Variants in KIRREL2 observed in about 807,000 individuals in gnomAD.
KIRREL2 encodes kin of IRRE-like protein 2.
In KIRREL2, 56 loss-of-function variants were observed where a neutral mutation model predicts 73.4. The ratio of observed to expected loss-of-function variants is 0.76; its 90% CI spans 0.62 to 0.95. The LOEUF is 0.95. KIRREL2 is among the 40% of genes least tolerant of loss of function. KIRREL2 has a pLI of 0.00. For missense variants in KIRREL2, 896 were observed against 935.0 expected (o/e 0.96, Z 0.54); for synonymous variants, 407 against 404.0 (o/e 1.01, Z -0.09).
intron 9 of KIRREL2, 113 bp from the exon 10 acceptor site, chr19:35,861,428 C>T: frequency 6.9e-7 from 1 of 1,444,450 alleles, no homozygotes; most frequent in Non-Finnish European, 9.5e-7. Flanking sequence ...TTGGAGGCGG[C>T]GTGGCCTGAT....
In KIRREL2 at chr19:35,858,767, C is replaced by G; in HGVS notation, c.425C>G (p.Ala142Gly). 1 of 1,614,192 alleles carries G rather than the reference C, an allele frequency of 6.2e-7. No homozygotes were observed. The highest frequency in any genetic ancestry group is 8.5e-7 in the Non-Finnish European group (1 of 1,180,028). ...GTGTCTCTGGTTGCTGGAGTTCCTG[C>G]GAACCTGACATGTCGGAGCCGTGGG... ...PSVSLVAGVPANLTCRSRGDA... is the reference protein window; with the variant it reads ...PSVSLVAGVPGNLTCRSRGDA... Residue 142 changes from alanine to glycine, a missense_variant, in exon 4 of 15, where the codon GCG (alanine) becomes GGG (glycine). Coordinates refer to ENST00000360202, the MANE Select transcript of KIRREL2 (RefSeq NM_199180.4).
Position 35,864,630 on chromosome 19 carries a change from C to G in KIRREL2, c.1726-18C>G, listed in dbSNP as rs1204107417. 1 of 1,607,456 alleles carries G rather than the reference C, an allele frequency of 6.2e-7. No homozygotes were observed. The highest frequency in any genetic ancestry group is 8.5e-7 in the Non-Finnish European group (1 of 1,174,184). On this transcript the variant is annotated intron_variant, in intron 13 of 14. Transcript: ENST00000360202. ...GGGATCCTCTGACTATTCCCTCTCA[C>G]TAAGTTCCCTACCCCAGGGCCCCAT...
chr19:35,857,435 G>A lies in KIRREL2; in HGVS notation c.152G>A (p.Trp51Ter). ...ARLPCALGAY[W>*]GLVQWTKSGL... is the part of the protein sequence containing the mutation. The stretch of plus-strand genomic sequence containing the variant: ...CTGCCGTGTGCTCTGGGCGCCTACT[G>A]GGGGCTAGTTCAGTGGACTAAGAGT... Residue 51 changes from tryptophan to a stop codon, truncating the protein, a stop_gained, in exon 2 of 15, where the codon TGG becomes TAG. Transcript: ENST00000360202. LOFTEE classifies it high-confidence loss of function. 1.2e-6 allele frequency: 2 copies of A among 1,612,826 alleles called. No homozygotes were observed. The highest frequency in any genetic ancestry group is 1.7e-6 in the Non-Finnish European group (2 of 1,179,766).
At chr19:35,856,850 G>A, upstream of KIRREL2, 1 of 544,914 alleles carries the variant, frequency 1.8e-6, no homozygotes, top group Non-Finnish European at 3.3e-6. The surrounding 1 kb of genome is among the most constrained non-coding windows in gnomAD (Gnocchi z 5.9). Context: ...GGAAGAGGGC[G>A]GAGCTCCCGG....
intron 5 of KIRREL2, 28 bp from the exon 6 acceptor site, chr19:35,860,269 C>T: frequency 6.3e-7 from 1 of 1,591,704 alleles, no homozygotes; most frequent in South Asian, 1.1e-5. Context: ...TGGTCCTTGC[C>T]CATCTGACCA....
chr19:35,862,897 C>T (rs759196398), intron 12 of KIRREL2, 30 bp from the exon 13 acceptor site: 56 of 1,372,216 alleles, frequency 4.1e-5, no homozygotes, highest in Non-Finnish European at 4.6e-5. Flanking sequence ...CCCCGCCCAT[C>T]GCTTAACTCC....
At chr19:35,864,207 T>TGTTTC (rs1973852982) in intron 13 of KIRREL2, among the ~76,000 whole-genome samples, 3 of 151,818 alleles carry the variant, frequency 2.0e-5, no homozygotes, top group African/African-American at 7.3e-5. Flanking sequence ...GTTGTTGTTT[T>TGTTTC]TGAGATAGAG....
upstream of KIRREL2, among the ~76,000 whole-genome samples, chr19:35,856,226 C>G (rs930849321): frequency 3.3e-5 from 5 of 152,232 alleles, no homozygotes; most frequent in African/African-American, 1.2e-4. This position sits in a 1 kb window ranked among gnomAD's most constrained non-coding sequence, Gnocchi z 5.9. Flanking sequence ...GCCTCCCTGC[C>G]TGCCCCGGCC....
In KIRREL2 at chr19:35,857,142, C is replaced by CCCTCCTCGT; in HGVS notation, c.31_39dup (p.Val11_Leu13dup). On this transcript the variant is annotated inframe_insertion, in exon 1 of 15. Transcript: ENST00000360202. ...CGAATGCTCAGGATGCGGGTCCCCG[C>CCCTCCTCGT]CCTCCTCGTCCTCCTCTTCTGCTTC... 1 of 1,613,792 alleles carries CCCTCCTCGT rather than the reference C, an allele frequency of 6.2e-7. No individual in the cohort carries two copies. The highest frequency in any genetic ancestry group is 8.5e-7 in the Non-Finnish European group (1 of 1,179,964).
At position 35,866,578 on chromosome 19, in the gene KIRREL2, C is replaced by A. The variant is rs746137565; in HGVS notation, c.*86C>A. The A allele has an allele frequency of 1.3e-6, 2 of 1,582,020 alleles. No homozygotes were observed. The highest frequency in any genetic ancestry group is 1.7e-6 in the Non-Finnish European group (2 of 1,158,702). ...CTGAGGAGCCAGGACAAGTTGGCGACCTTACTCCTCCAAAACTGAACACAA... is the reference window on the plus strand; with the variant it reads ...CTGAGGAGCCAGGACAAGTTGGCGAACTTACTCCTCCAAAACTGAACACAA... On this transcript the variant is annotated 3_prime_UTR_variant, in exon 15 of 15. Transcript: ENST00000360202.
intron 14 of KIRREL2, 131 bp downstream of exon 14, chr19:35,864,844 T>G: frequency 1.5e-6 from 1 of 682,774 alleles, no homozygotes; most frequent in East Asian, 2.9e-5. Context: ...GGGACTCAGC[T>G]CCCCACCCCA....
Position 35,858,863 on chromosome 19 carries a change from A to T in KIRREL2, c.521A>T (p.Gln174Leu). Residue 174 changes from glutamine to leucine, a missense_variant and splice_region_variant, in exon 4 of 15, where the codon CAG becomes CTG. By Grantham distance (113) the Gln-to-Leu change is moderately radical (BLOSUM62 -2). Transcript: ENST00000360202. ...CTGTTGGATGGAGCCACCTTCCATC[A>T]GGTCAGGTCCAAATTCCTGTGCTAG... ...GVLLDGATFH[Q>L]TLLKEGTPGS... 6.2e-7 allele frequency: 1 copy of T among 1,614,176 alleles called. No individual in the cohort carries two copies. The highest frequency in any genetic ancestry group is 8.5e-7 in the Non-Finnish European group (1 of 1,180,014).
chr19:35,852,005 G>A (rs1973279469), upstream of KIRREL2, among the ~76,000 whole-genome samples: 1 of 151,490 alleles, frequency 6.6e-6, no homozygotes, highest in African/African-American at 2.4e-5. Flanking sequence ...TTCCCTGTGA[G>A]TATCTCTCTC....
chr19:35,863,835 G>A (rs1341514869), intron 13 of KIRREL2, among the ~76,000 whole-genome samples: 2 of 150,810 alleles, frequency 1.3e-5, no homozygotes, highest in South Asian at 2.1e-4. Context: ...GTGCAGTGGC[G>A]CGAACTCGAC....
Position 35,860,325 on chromosome 19 carries a change from G to A in KIRREL2, c.702G>A (p.Ser234=), listed in dbSNP as rs771624645. The A allele has an allele frequency of 6.2e-6, 10 of 1,613,896 alleles. No individual in the cohort carries two copies. In the Admixed American group the frequency reaches 1.3e-4, roughly 22 times the overall value. The change falls in exon 6 of 15, where the codon TCG becomes TCA. Residue 234 remains serine, a synonymous_variant. Transcript: ENST00000360202. ...QYPPEVTLSA[S]PHTVQEGEKV... The stretch of plus-strand genomic sequence containing the variant: ...CCCCAGAGGTGACTCTGTCTGCTTC[G>A]CCACACACTGTGCAGGAGGGAGAGA...
At position 35,858,511 on chromosome 19, in the gene KIRREL2, T is replaced by C. The variant is rs769524495; in HGVS notation, c.315T>C (p.Ala105=). The part of the protein sequence containing the change: ...LEDEASYECQ[A]TQAGLRSRPA... The stretch of plus-strand genomic sequence containing the variant: ...ATGAAGCATCATATGAATGTCAGGC[T>C]ACACAAGCAGGCCTCCGCTCCAGAC... Residue 105 remains alanine (A), a synonymous_variant, in exon 3 of 15, where the codon GCT becomes GCC. Transcript: ENST00000360202. The C allele has an allele frequency of 4.3e-6, 7 of 1,614,176 alleles. No individual in the cohort carries two copies. In the South Asian group the frequency reaches 7.7e-5, roughly 18 times the overall value.
rs1413615051 is a variant in KIRREL2 at position 35,860,653 on chromosome 19, C to T, written c.914C>T (p.Ala305Val). Residue 305 changes from alanine (A) to valine (V), a missense_variant, in exon 7 of 15, where the codon GCG (alanine) becomes GTG (valine). Physicochemically the swap from Ala to Val is moderately conservative, Grantham distance 64 (BLOSUM62 0). Coordinates refer to ENST00000360202, the MANE Select transcript of KIRREL2 (RefSeq NM_199180.4). ...GTGGGTAGCGCCAACCGCAGTACTG[C>T]GCTGGATGTGCTGTGTGAGCTGGGG... ...NAVGSANRST[A>V]LDVLFGPILQ... 1 of 1,602,888 alleles carries T rather than the reference C, an allele frequency of 6.2e-7. No individual in the cohort carries two copies. Among genetic ancestry groups the T allele is most frequent in the Non-Finnish European group, 8.5e-7 (1 of 1,179,894 alleles).
chr19:35,861,835 G>A lies in KIRREL2; in HGVS notation c.1321G>A (p.Ala441Thr). 1 of 1,587,356 alleles carries A rather than the reference G, an allele frequency of 6.3e-7. No homozygotes were observed. The highest frequency in any genetic ancestry group is 1.1e-5 in the South Asian group (1 of 87,824). The change falls in exon 11 of 15, where the codon GCG becomes ACG. Residue 441 changes from alanine (A) to threonine (T), a missense_variant. Coordinates refer to ENST00000360202, the MANE Select transcript of KIRREL2 (RefSeq NM_199180.4). ...GTCTTGGGATGAGGGCTTCCTGGAG[G>A]CGGGGTCGCAGGGCCGGTTCCTGGT... Reference protein sequence around the residue: ...VWSWDEGFLEAGSQGRFLVET... With the variant: ...VWSWDEGFLETGSQGRFLVET...
At chr19:35,855,706 C>CACACACACACACAT (rs1491182830), upstream of KIRREL2, among the ~76,000 whole-genome samples, 69 of 90,592 alleles carry the variant, frequency 7.6e-4, 3 homozygotes, top group East Asian at 0.01. Context: ...CACACACACA[C>CACACACACACACAT]ATACACACAG....
Sources: allele counts gnomAD v4.1 joint callset (sites outside exome capture counted in the v4.1 genomes callset), GRCh38; gene constraint gnomAD v4.1.1; non-coding constraint Gnocchi (gnomAD v3.1); transcripts MANE v1.5; gene names NCBI Gene and HGNC (gene_info 2026-07-23, HGNC 2026-07-21).